LTBP4: variants seen among roughly 807,000 people sequenced by gnomAD.
LTBP4 encodes the protein latent-transforming growth factor beta-binding protein 4.
In LTBP4, 93 loss-of-function variants were observed where a neutral mutation model predicts 180.2. That is an observed-to-expected ratio of 0.52 (90% confidence interval 0.44 to 0.61). The LOEUF is 0.61. LTBP4 is among the 20% of genes least tolerant of loss of function. The pLI, the probability that LTBP4 is intolerant of heterozygous loss-of-function variation, is 0.00. For synonymous variants in LTBP4, 947 were observed against 934.5 expected (o/e 1.01, Z -0.24); for missense variants, 2,116 against 2,256.5 (o/e 0.94, Z 1.26).
chr19:40,593,275 C>A, intron 1 of LTBP4: 2 of 1,478,796 alleles, frequency 1.4e-6, no homozygotes, highest in Non-Finnish European at 1.9e-6. Context: ...CAGGGTCTTG[C>A]TTTGTTGCCC....
chr19:40,605,852 G>A lies in LTBP4; in HGVS notation c.793+21G>A. The stretch of plus-strand genomic sequence containing the variant: ...CCTGGGTAAGCCCCAGGACGTCCCC[G>A]AAGTGCTCGGAGCTGGGGAGTGGTG... On this transcript the variant is annotated intron_variant, in intron 4 of 29. Coordinates refer to ENST00000396819, the MANE Select transcript of LTBP4 (RefSeq NM_001042545.2). The surrounding 1 kb of genome is among the most constrained non-coding windows in gnomAD (Gnocchi z 5.5). The A allele has an allele frequency of 6.5e-7, 1 of 1,534,252 alleles. No individual in the cohort carries two copies. Among genetic ancestry groups the A allele is most frequent in the Non-Finnish European group, 8.7e-7 (1 of 1,145,574 alleles).
At position 40,613,562 on chromosome 19, in the gene LTBP4, G is replaced by A. The variant is rs1045705563; in HGVS notation, c.2557+33G>A. 6.4e-7 allele frequency: 1 copy of A among 1,553,890 alleles called. No individual in the cohort carries two copies. The highest frequency in any genetic ancestry group is 2.4e-5 in the East Asian group (1 of 41,576). On this transcript the variant is annotated intron_variant, in intron 17 of 29. Coordinates refer to ENST00000396819, the MANE Select transcript of LTBP4 (RefSeq NM_001042545.2). This position sits in a 1 kb window ranked among gnomAD's most constrained non-coding sequence, Gnocchi z 5.0. ...CCCGGGCTGATCCTGGCCCCGGAAA[G>A]GGTGGGCTTAGGGCAGGAAAAGGCG...
At chr19:40,594,885 G>A (rs2081382403) in intron 1 of LTBP4, among the ~76,000 whole-genome samples, 1 of 151,724 alleles carries the variant, frequency 6.6e-6, no homozygotes, top group African/African-American at 2.4e-5. Flanking sequence ...GGGCTTCCCC[G>A]TCAGTCCTGC....
At chr19:40,594,911 GGAA>G (rs1158391231) in intron 1 of LTBP4, among the ~76,000 whole-genome samples, 2 of 151,896 alleles carry the variant, frequency 1.3e-5, no homozygotes, top group Non-Finnish European at 2.9e-5. Context: ...CTCCTGGATT[GGAA>G]GAAGGAGCAG....
intron 26 of LTBP4, among the ~76,000 whole-genome samples, chr19:40,625,298 ATATATATATATATATATATT>A (rs1568414547): frequency 5.0e-4 from 5 of 10,064 alleles, no homozygotes; most frequent in East Asian, 4.1e-3. Context: ...ATATATATAT[ATATATATATATATATATATT>A]TTTTTTTTTA....
At chr19:40,600,171 G>T (rs2081414000), upstream of LTBP4, 2 of 1,253,246 alleles carry the variant, frequency 1.6e-6, no homozygotes, top group South Asian at 3.8e-5. This position sits in a 1 kb window ranked among gnomAD's most constrained non-coding sequence, Gnocchi z 4.4. Context: ...CGCTGGCAAG[G>T]CCCCGGGTAA....
At position 40,605,255 on chromosome 19, in the gene LTBP4, C is replaced by A. The variant is rs1334893243; in HGVS notation, c.442+29C>A. 6.4e-7 allele frequency: 1 copy of A among 1,566,592 alleles called. No homozygotes were observed. The highest frequency in any genetic ancestry group is 1.2e-5 in the South Asian group (1 of 86,496). ...AGGAAAGGGTGGCCAGAGTCCCCTC[C>A]GACCCCTGTCAAGCATTTCACTTTG... On this transcript the variant is annotated intron_variant, in intron 2 of 29. Coordinates refer to ENST00000396819, the MANE Select transcript of LTBP4 (RefSeq NM_001042545.2). The surrounding 1 kb of genome is among the most constrained non-coding windows in gnomAD (Gnocchi z 5.5).
rs544415055 is a variant in LTBP4 at position 40,622,821 on chromosome 19, G to A, written c.3485-129G>A. 9 of 1,382,052 alleles carry A rather than the reference G, an allele frequency of 6.5e-6. No individual in the cohort carries two copies. The highest frequency in any genetic ancestry group is 8.8e-6 in the Non-Finnish European group (9 of 1,018,044). 85.6% of individuals were successfully genotyped at this position (1,382,052 alleles called of 1,614,324 possible). ...GCTGCCAGGCAGGTGGGCATGGGCAGACATAAGGCTGAGAGGTGGGCACTA... is the reference window on the plus strand; with the variant it reads ...GCTGCCAGGCAGGTGGGCATGGGCAAACATAAGGCTGAGAGGTGGGCACTA... On this transcript the variant is annotated intron_variant, in intron 23 of 29. Transcript: ENST00000396819. The surrounding 1 kb of genome is among the most constrained non-coding windows in gnomAD (Gnocchi z 5.1).
In LTBP4 at chr19:40,622,961, T is replaced by C; in HGVS notation, c.3496T>C (p.Ser1166Pro). 1 of 1,613,232 alleles carries C rather than the reference T, an allele frequency of 6.2e-7. No individual in the cohort carries two copies. The highest frequency in any genetic ancestry group is 8.5e-7 in the Non-Finnish European group (1 of 1,179,632). ...CPGTETAEYQ[S>P]LCPHGRGYLA... The stretch of plus-strand genomic sequence containing the variant: ...GTCTCTGTGTGTAGCTGAGTACCAG[T>C]CATTGTGCCCTCACGGCCGGGGCTA... Residue 1166 changes from serine to proline, a missense_variant, in exon 24 of 30, where the codon TCA becomes CCA. Coordinates refer to ENST00000396819, the MANE Select transcript of LTBP4 (RefSeq NM_001042545.2). The surrounding 1 kb of genome is among the most constrained non-coding windows in gnomAD (Gnocchi z 5.1).
At chr19:40,597,226 C>G, upstream of LTBP4, 1 of 1,479,218 alleles carries the variant, frequency 6.8e-7, no homozygotes, top group Non-Finnish European at 8.9e-7. Context: ...GGACTCGGCG[C>G]CCGACACGAT....
chr19:40,617,307 A>C (rs920452595), intron 21 of LTBP4, 82 bp downstream of exon 21: 2 of 1,495,596 alleles, frequency 1.3e-6, no homozygotes, highest in Non-Finnish European at 1.8e-6. Context: ...ATATCTGAAC[A>C]AATGGGAATT....
In LTBP4 at chr19:40,607,436, A is replaced by G. The variant is rs1039901273; in HGVS notation, c.1063A>G (p.Ile355Val). 6.2e-7 allele frequency: 1 copy of G among 1,613,422 alleles called. No individual in the cohort carries two copies. The highest frequency in any genetic ancestry group is 8.5e-7 in the Non-Finnish European group (1 of 1,179,758). Residue 355 changes from isoleucine (I) to valine (V), a missense_variant, in exon 7 of 30, where the codon ATT (isoleucine) becomes GTT (valine). Ile to Val is a conservative substitution (Grantham distance 29, BLOSUM62 3). Around this residue, in one of 5 missense-constraint regions of LTBP4, gnomAD observed 469 missense variants for 532.5 expected, o/e 0.88. Transcript: ENST00000396819. The stretch of plus-strand genomic sequence containing the variant: ...CCGCGACGGCGGCTGTTCGCTGCCC[A>G]TTCTGCGGAACATCACTAAACAGAT... ...VLRDGGCSLP[I>V]LRNITKQICC...
Position 40,608,516 on chromosome 19 carries a change from C to T in LTBP4, c.1339C>T (p.Pro447Ser). 1 of 1,606,854 alleles carries T rather than the reference C, an allele frequency of 6.2e-7. No individual in the cohort carries two copies. Among genetic ancestry groups the T allele is most frequent in the Non-Finnish European group, 8.5e-7 (1 of 1,176,944 alleles). Reference protein sequence around the residue: ...FLPTHRLEPRPEPRPDPRPGP... With the variant: ...FLPTHRLEPRSEPRPDPRPGP... ...GCCCACCCATCGCCTGGAGCCCCGG[C>T]CTGAACCCCGGCCCGATCCCCGGCC... Residue 447 changes from proline to serine, a missense_variant, in exon 9 of 30, where the codon CCT (proline) becomes TCT (serine). Around this residue, in one of 5 missense-constraint regions of LTBP4, gnomAD observed 877 missense variants for 873.6 expected, o/e 1.00. Coordinates refer to ENST00000396819, the MANE Select transcript of LTBP4 (RefSeq NM_001042545.2).
At chr19:40,619,016 CT>C (rs2081568391) in intron 21 of LTBP4, among the ~76,000 whole-genome samples, 1 of 151,812 alleles carries the variant, frequency 6.6e-6, no homozygotes, top group Non-Finnish European at 1.5e-5. Context: ...TTCAATATTT[CT>C]AGCAAAAGCG....
upstream of LTBP4, chr19:40,599,572 C>G: frequency 6.3e-7 from 1 of 1,599,596 alleles, no homozygotes; most frequent in Non-Finnish European, 8.5e-7. Context: ...TGGGCAGTCC[C>G]TCCCCTACCA....
In LTBP4 at chr19:40,620,455, G is replaced by A. The variant is rs563905763; in HGVS notation, c.3217+962G>A. ...GTTTTGTCATGTTGCCCAGGCTGCA[G>A]TATTTTTTTTTTTTTAATTTTTAAA... On this transcript the variant is annotated intron_variant, in intron 22 of 29. Coordinates refer to ENST00000396819, the MANE Select transcript of LTBP4 (RefSeq NM_001042545.2). Among the ~76,000 whole-genome samples the A allele has an allele frequency of 8.7e-5, 10 of 114,508 alleles. No homozygotes were observed. The South Asian group carries it at 1.5e-3, about 17-fold the overall frequency. The allele number at this position is 114,508 out of a possible 152,430, so 75.1% of individuals were successfully genotyped here. A position where few individuals can be genotyped will look rare whatever the true frequency, so the allele number is the denominator to read the frequency against.
Position 40,609,848 on chromosome 19 carries a change from G to A in LTBP4, c.1661G>A (p.Gly554Asp), listed in dbSNP as rs778012193. ...GTGTGCGGCCCGGGCTTCCGAGCCGGCCCACGGGCTGCGGAATGCCTGGGT... is the reference window on the plus strand; with the variant it reads ...GTGTGCGGCCCGGGCTTCCGAGCCGACCCACGGGCTGCGGAATGCCTGGGT... ...RCVCGPGFRAGPRAAECLDVD... is the reference protein window; with the variant it reads ...RCVCGPGFRADPRAAECLDVD... The change falls in exon 11 of 30, where the codon GGC becomes GAC. Residue 554 changes from glycine to aspartate, a missense_variant. Physicochemically the swap from Gly to Asp is moderately conservative, Grantham distance 94 (BLOSUM62 -1). Transcript: ENST00000396819. The surrounding 1 kb of genome is among the most constrained non-coding windows in gnomAD (Gnocchi z 4.9). 3 of 1,590,516 alleles carry A rather than the reference G, an allele frequency of 1.9e-6. No homozygotes were observed. The highest frequency in any genetic ancestry group is 2.3e-5 in the East Asian group (1 of 43,966).
In LTBP4 at chr19:40,625,289, TATATATATATATA is replaced by T; in HGVS notation, c.3833-567_3833-555del. On this transcript the variant is annotated intron_variant, in intron 26 of 29. Coordinates refer to ENST00000396819, the MANE Select transcript of LTBP4 (RefSeq NM_001042545.2). ...ATATATATATATATATATATATATATATATATATATATATATATATATATATATTTTTTTTTTT... is the reference window on the plus strand; with the variant it reads ...ATATATATATATATATATATATATATTATATATATATATATTTTTTTTTTT... Among the ~76,000 whole-genome samples the T allele has an allele frequency of 1.9e-4, 2 of 10,470 alleles. 1 individual carries two copies. The highest frequency in any genetic ancestry group is 2.4e-3 in the African/African-American group (2 of 828). 6.9% of individuals were successfully genotyped at this position (10,470 alleles called of 152,430 possible).
In LTBP4 at chr19:40,610,670, G is replaced by A; in HGVS notation, c.1810+13G>A. 6.3e-7 allele frequency: 1 copy of A among 1,575,496 alleles called. No individual in the cohort carries two copies. The highest frequency in any genetic ancestry group is 8.6e-7 in the Non-Finnish European group (1 of 1,163,492). ...GCCAGCTGCCAGGGTGAGGGCCTGG[G>A]AGGGGCAGCTGGGAAGGGGTGTGAG... On this transcript the variant is annotated intron_variant, in intron 12 of 29. Coordinates refer to ENST00000396819, the MANE Select transcript of LTBP4 (RefSeq NM_001042545.2).
Sources: gnomAD v4.1 joint callset for allele counts (sites outside exome capture counted in the v4.1 genomes callset) on GRCh38, gnomAD v4.1.1 for gene constraint, gnomAD v4.1.1 regional missense constraint, Gnocchi (gnomAD v3.1) non-coding constraint, MANE v1.5 for transcripts, NCBI Gene and HGNC (gene_info 2026-07-23, HGNC 2026-07-21) for gene names.